The following DGKI variants were observed in gnomAD, a reference collection of about 807,000 sequenced individuals.
DGKI encodes diacylglycerol kinase iota, also known as DAG kinase iota.
DGKI carries 55 observed loss-of-function variants against 147.5 expected under a neutral mutation model. That is an observed-to-expected ratio of 0.37 (90% confidence interval 0.30 to 0.47). The LOEUF is 0.47. Among genes scored for constraint, DGKI ranks in the 20% least tolerant of loss-of-function variants. The pLI is 1.00. For synonymous variants in DGKI, 469 were observed against 477.1 expected (o/e 0.98, Z 0.22); for missense variants, 1,007 against 1,323.8 (o/e 0.76, Z 3.71).
At chr7:137,635,360 T>C (rs1023530500) in intron 6 of DGKI, among the ~76,000 whole-genome samples, 6 of 152,174 alleles carry the variant, frequency 3.9e-5, no homozygotes, top group Non-Finnish European at 8.8e-5. Flanking sequence ...ACCAGCTACT[T>C]TGAGGCAAAC....
intron 29 of DGKI, 93 bp from the exon 30 acceptor site, chr7:137,408,088 C>T (rs1812024670): frequency 6.8e-7 from 1 of 1,469,014 alleles, no homozygotes; most frequent in Non-Finnish European, 9.3e-7. Context: ...TGTAGCAGAC[C>T]ACAATGTTTC....
Position 137,666,255 on chromosome 7 carries a change from T to C in DGKI, c.607-9715A>G, listed in dbSNP as rs576260170. 2.6e-5 allele frequency among the ~76,000 whole-genome samples: 4 copies of C among 152,300 alleles called. No individual in the cohort carries two copies. In the South Asian group the frequency reaches 8.3e-4, roughly 32 times the overall value. The stretch of plus-strand genomic sequence containing the variant: ...TAGGCACAAAGTTTCTCTGATAGGC[T>C]TCAACAGAAATCTACAGCAAGCCTG... On this transcript the variant is annotated intron_variant, in intron 3 of 32. Transcript: ENST00000614521.
intron 32 of DGKI, among the ~76,000 whole-genome samples, chr7:137,393,058 A>G (rs1811422404): frequency 6.6e-6 from 1 of 152,192 alleles, no homozygotes; most frequent in Non-Finnish European, 1.5e-5. Flanking sequence ...AAACAACAAG[A>G]GAGAAAAACA....
chr7:137,587,875 T>C (rs7456122), intron 12 of DGKI, among the ~76,000 whole-genome samples: 15,985 of 152,234 alleles, frequency 0.11, 1,021 homozygotes, highest in African/African-American at 0.18. Flanking sequence ...AGGCAGGAAA[T>C]TGATACTTAT....
At chr7:137,631,101 G>A (rs946596262) in intron 6 of DGKI, among the ~76,000 whole-genome samples, 1 of 152,176 alleles carries the variant, frequency 6.6e-6, no homozygotes, top group Non-Finnish European at 1.5e-5. Flanking sequence ...TAATCTTGCC[G>A]ATGGTGTGAC....
intron 1 of DGKI, among the ~76,000 whole-genome samples, chr7:137,719,029 G>C (rs1287159253): frequency 6.6e-6 from 1 of 152,172 alleles, no homozygotes; most frequent in South Asian, 2.1e-4. Flanking sequence ...TGGAGAACTA[G>C]ATTTTCTGTA....
chr7:137,711,796 C>A (rs1333021736), intron 1 of DGKI, among the ~76,000 whole-genome samples: 1 of 145,732 alleles, frequency 6.9e-6, no homozygotes, highest in Non-Finnish European at 1.5e-5. Context: ...TGGGTTTAAG[C>A]GATTCTCCTG....
chr7:137,808,705 C>T (rs1342147355), intron 1 of DGKI, among the ~76,000 whole-genome samples: 1 of 152,162 alleles, frequency 6.6e-6, no homozygotes, highest in Non-Finnish European at 1.5e-5. Flanking sequence ...TAAGAACTAA[C>T]ATTTAAATGA....
intron 28 of DGKI, among the ~76,000 whole-genome samples, chr7:137,423,164 GA>G (rs1398268380): frequency 6.6e-6 from 1 of 152,172 alleles, no homozygotes; most frequent in Non-Finnish European, 1.5e-5. Context: ...GAGGGTAAGA[GA>G]AATGGAAGAA....
At chr7:137,593,563 A>C (rs1585265390) in intron 12 of DGKI, among the ~76,000 whole-genome samples, 1 of 152,202 alleles carries the variant, frequency 6.6e-6, no homozygotes, top group African/African-American at 2.4e-5. Context: ...AAGAGACTAC[A>C]CCTGCACTGT....
At chr7:137,544,949 C>T (rs1046238522) in intron 20 of DGKI, among the ~76,000 whole-genome samples, 2 of 152,140 alleles carry the variant, frequency 1.3e-5, no homozygotes, top group African/African-American at 2.4e-5. Context: ...AAGAAGAATT[C>T]TTTGGAAAGG....
intron 1 of DGKI, among the ~76,000 whole-genome samples, chr7:137,799,564 G>A (rs752363452): frequency 7.2e-5 from 11 of 152,278 alleles, no homozygotes; most frequent in Admixed American, 1.3e-4. Flanking sequence ...AACATACTGA[G>A]AACAGTTATT....
chr7:137,621,647 T>C (rs1820750961), intron 7 of DGKI, among the ~76,000 whole-genome samples: 1 of 152,212 alleles, frequency 6.6e-6, no homozygotes, highest in Non-Finnish European at 1.5e-5. Flanking sequence ...GGTGGGAAAC[T>C]GGGAAATTCA....
chr7:137,493,606 C>T (rs1815851048), intron 21 of DGKI, among the ~76,000 whole-genome samples: 1 of 152,082 alleles, frequency 6.6e-6, no homozygotes. Context: ...GTTGACCAAA[C>T]CCACCTTATA....
intron 24 of DGKI, among the ~76,000 whole-genome samples, chr7:137,468,790 C>T (rs970131605): frequency 1.3e-5 from 2 of 152,122 alleles, no homozygotes; most frequent in Non-Finnish European, 2.9e-5. Flanking sequence ...CAAATCCTGT[C>T]ATACTCATAT....
At chr7:137,668,019 C>T (rs1407115209) in intron 3 of DGKI, among the ~76,000 whole-genome samples, 1 of 152,214 alleles carries the variant, frequency 6.6e-6, no homozygotes, top group Non-Finnish European at 1.5e-5. Flanking sequence ...CCCTATGAGA[C>T]TGTGCAACTT....
chr7:137,687,104 T>G (rs963688523), intron 2 of DGKI, among the ~76,000 whole-genome samples: 4 of 152,098 alleles, frequency 2.6e-5, no homozygotes, highest in Admixed American at 1.3e-4. Context: ...CAGAGAGAAT[T>G]TCCACCCAAG....
chr7:137,662,306 G>C (rs1243649500), intron 3 of DGKI, among the ~76,000 whole-genome samples: 1 of 150,680 alleles, frequency 6.6e-6, no homozygotes, highest in Non-Finnish European at 1.5e-5. Flanking sequence ...TGCAGTGGCG[G>C]GATCTCGGCT....
chr7:137,543,517 G>C (rs771255079), intron 20 of DGKI, among the ~76,000 whole-genome samples: 6 of 151,828 alleles, frequency 4.0e-5, no homozygotes, highest in Admixed American at 3.9e-4. Flanking sequence ...CTCCATTCCT[G>C]GAGAAAAAGT....
Sources: gnomAD v4.1 joint callset for allele counts (sites outside exome capture counted in the v4.1 genomes callset) on GRCh38, gnomAD v4.1.1 for gene constraint, MANE v1.5 for transcripts, NCBI Gene and HGNC (gene_info 2026-07-23, HGNC 2026-07-21) for gene names.